TCF19: variants seen among roughly 807,000 people sequenced by gnomAD.
The protein encoded by TCF19 is transcription factor 19, also known as transcription factor SC1.
In TCF19, 9 loss-of-function variants were observed where a neutral mutation model predicts 18.3. That is an observed-to-expected ratio of 0.49 (90% CI 0.30 to 0.86). TCF19 has a LOEUF of 0.86. Ranked by LOEUF, TCF19 falls within the 40% of genes least tolerant of loss-of-function variation. The pLI is 0.07. For missense variants in TCF19, 376 were observed against 464.3 expected (o/e 0.81, Z 1.75); for synonymous variants, 176 against 185.3 (o/e 0.95, Z 0.41).
At position 31,162,410 on chromosome 6, in the gene TCF19, G is replaced by C; in HGVS notation, c.798-67G>C. On this transcript the variant is annotated intron_variant, in intron 3 of 3. Transcript: ENST00000376257. The surrounding 1 kb of genome is among the most constrained non-coding windows in gnomAD (Gnocchi z 4.5). ...GGCCTCACCCTATGACCAGCCATAG[G>C]GTGGCAAGGTCTAGGCCTTCTCCTA... The C allele has an allele frequency of 6.5e-7, 1 of 1,541,556 alleles. No homozygotes were observed. Among genetic ancestry groups the C allele is most frequent in the Non-Finnish European group, 8.7e-7 (1 of 1,144,624 alleles).
At position 31,161,988 on chromosome 6, in the gene TCF19, C is replaced by A; in HGVS notation, c.780C>A (p.Ala260=). Residue 260 remains alanine, a synonymous_variant, in exon 3 of 4, where the codon GCC becomes GCA. Transcript: ENST00000376257. ...EPRKKLRVDK[A]PLTPTGNRRG... ...GGAAGAAACTCCGTGTAGACAAAGC[C>A]CCACTGACTCCCACTGGGTAAGTGG... 6.2e-7 allele frequency: 1 copy of A among 1,607,876 alleles called. No individual in the cohort carries two copies. The highest frequency in any genetic ancestry group is 8.5e-7 in the Non-Finnish European group (1 of 1,176,966).
At chr6:31,160,067 A>G (rs1776661112) in intron 2 of TCF19, among the ~76,000 whole-genome samples, 1 of 152,140 alleles carries the variant, frequency 6.6e-6, no homozygotes, top group African/African-American at 2.4e-5. Flanking sequence ...GTTTTTAATA[A>G]TCTGGGCATG....
rs1776896392 is a variant in TCF19, at chr6:31,162,861, T to C, written c.*144T>C. The C allele has an allele frequency of 6.9e-7, 1 of 1,439,756 alleles. No individual in the cohort carries two copies. Among genetic ancestry groups the C allele is most frequent in the East Asian group, 2.5e-5 (1 of 40,028 alleles). 89.2% of individuals were successfully genotyped at this position (1,439,756 alleles called of 1,614,324 possible). On this transcript the variant is annotated 3_prime_UTR_variant, in exon 4 of 4. Coordinates refer to ENST00000376257, the MANE Select transcript of TCF19 (RefSeq NM_007109.3). The surrounding 1 kb of genome is among the most constrained non-coding windows in gnomAD (Gnocchi z 4.5). Reference sequence around the variant, plus strand: ...AGAAGGATGGATTGATGTGGACTCATTCAGGGCCTGGAGCAGACCCTGGTG... The same window carrying C: ...AGAAGGATGGATTGATGTGGACTCACTCAGGGCCTGGAGCAGACCCTGGTG...
Position 31,162,052 on chromosome 6 carries a change from G to A in TCF19, c.797+47G>A, listed in dbSNP as rs370686681. On this transcript the variant is annotated intron_variant, in intron 3 of 3. Transcript: ENST00000376257. This position sits in a 1 kb window ranked among gnomAD's most constrained non-coding sequence, Gnocchi z 4.5. ...CCCTCTCAGTGTTTTACTGCTTTTC[G>A]ATTCCTTGTATCCCTAGGCTGTGAG... 1.4e-4 allele frequency: 222 copies of A among 1,547,106 alleles called. 2 individuals carry two copies. The African/African-American group carries it at 2.6e-3, about 18-fold the overall frequency.
At position 31,162,863 on chromosome 6, in the gene TCF19, C is replaced by G. The variant is rs983862174; in HGVS notation, c.*146C>G. ...AAGGATGGATTGATGTGGACTCATT[C>G]AGGGCCTGGAGCAGACCCTGGTGGC... On this transcript the variant is annotated 3_prime_UTR_variant, in exon 4 of 4. Transcript: ENST00000376257. The surrounding 1 kb of genome is among the most constrained non-coding windows in gnomAD (Gnocchi z 4.5). 1 of 1,439,288 alleles carries G rather than the reference C, an allele frequency of 6.9e-7. No homozygotes were observed. The highest frequency in any genetic ancestry group is 2.8e-5 in the Admixed American group (1 of 36,192). The allele number at this position is 1,439,288 out of a possible 1,614,324, so 89.2% of individuals were successfully genotyped here.
In TCF19 at chr6:31,162,257, A is replaced by ACC. The variant is rs910863414; in HGVS notation, c.798-217_798-216dup. Among the ~76,000 whole-genome samples, 3 of 152,012 alleles carry ACC rather than the reference A, an allele frequency of 2.0e-5. No individual in the cohort carries two copies. The highest frequency in any genetic ancestry group is 7.3e-5 in the African/African-American group (3 of 41,358). ...TGCTTTTTACATTCATATGGCTTTA[A>ACC]CCCCATTCTTCTAGTGCCTAAGGAT... On this transcript the variant is annotated intron_variant, in intron 3 of 3. Coordinates refer to ENST00000376257, the MANE Select transcript of TCF19 (RefSeq NM_007109.3). The surrounding 1 kb of genome is among the most constrained non-coding windows in gnomAD (Gnocchi z 4.5).
At position 31,162,075 on chromosome 6, in the gene TCF19, G is replaced by A; in HGVS notation, c.797+70G>A. 11 of 1,490,742 alleles carry A rather than the reference G, an allele frequency of 7.4e-6. No individual in the cohort carries two copies. Among genetic ancestry groups the A allele is most frequent in the Non-Finnish European group, 9.0e-6 (10 of 1,113,498 alleles). 92.3% of individuals were successfully genotyped at this position (1,490,742 alleles called of 1,614,324 possible). On this transcript the variant is annotated intron_variant, in intron 3 of 3. Transcript: ENST00000376257. This position sits in a 1 kb window ranked among gnomAD's most constrained non-coding sequence, Gnocchi z 4.5. Reference sequence around the variant, plus strand: ...TCGATTCCTTGTATCCCTAGGCTGTGAGGAGGTCCCCCTGCCTGGGGGGAT... The same window carrying A: ...TCGATTCCTTGTATCCCTAGGCTGTAAGGAGGTCCCCCTGCCTGGGGGGAT...
Position 31,161,815 on chromosome 6 carries a change from C to A in TCF19, c.607C>A (p.Pro203Thr). 6.2e-7 allele frequency: 1 copy of A among 1,612,172 alleles called. No individual in the cohort carries two copies. Among genetic ancestry groups the A allele is most frequent in the South Asian group, 1.1e-5 (1 of 90,962 alleles). ...SPSWGGPKSL[P>T]VPAPPGEMGT... ...TAGTTGGGGTGGACCAAAGAGCCTG[C>A]CTGTTCCCGCCCCACCTGGGGAAAT... Residue 203 changes from proline (P) to threonine (T), a missense_variant, in exon 3 of 4, where the codon CCT (proline) becomes ACT (threonine). By Grantham distance (38) the Pro-to-Thr change is conservative. Transcript: ENST00000376257.
rs77870954 is a variant in TCF19, at chr6:31,162,515, C to G, written c.836C>G (p.Ala279Gly). 4 of 1,612,514 alleles carry G rather than the reference C, an allele frequency of 2.5e-6. No homozygotes were observed. Among genetic ancestry groups the G allele is most frequent in the South Asian group, 1.1e-5 (1 of 91,018 alleles). ...CGTCCTCGGAAGTACCCAGTGAGCG[C>G]TCCCATGGCTCCCCCTGCAGTTGGG... ...RGRPRKYPVS[A>G]PMAPPAVGGG... Residue 279 changes from alanine (A) to glycine (G), a missense_variant, in exon 4 of 4, where the codon GCT becomes GGT. Ala to Gly is a moderately conservative substitution (Grantham distance 60). Transcript: ENST00000376257. This position sits in a 1 kb window ranked among gnomAD's most constrained non-coding sequence, Gnocchi z 4.5.
intron 2 of TCF19, among the ~76,000 whole-genome samples, chr6:31,161,088 G>T: frequency 7.3e-6 from 1 of 137,760 alleles, no homozygotes; most frequent in Admixed American, 7.7e-5. Context: ...CCTGGGAGGC[G>T]GAGTGCAGTG....
In TCF19 at chr6:31,163,730, CAAAGCATCATTTCTATAGAA is replaced by C. The variant is rs1183356178; in HGVS notation, c.*1015_*1034del. 1 of 985,330 alleles carries C rather than the reference CAAAGCATCATTTCTATAGAA, an allele frequency of 1.0e-6. No individual in the cohort carries two copies. The highest frequency in any genetic ancestry group is 1.2e-6 in the Non-Finnish European group (1 of 829,964). 61.0% of individuals were successfully genotyped at this position (985,330 alleles called of 1,614,324 possible). On this transcript the variant is annotated 3_prime_UTR_variant, in exon 4 of 4. Coordinates refer to ENST00000376257, the MANE Select transcript of TCF19 (RefSeq NM_007109.3). Reference sequence around the variant, plus strand: ...GCCTTACACCAAGCCAAACTATTGTCAAAGCATCATTTCTATAGAAATAAAGCCTTATCTTGACCTGTTCT... The same window carrying C: ...GCCTTACACCAAGCCAAACTATTGTCATAAAGCCTTATCTTGACCTGTTCT...
chr6:31,161,826 C>T lies in TCF19; in HGVS notation c.618C>T (p.Ala206=). 6.2e-7 allele frequency: 1 copy of T among 1,612,834 alleles called. No homozygotes were observed. The highest frequency in any genetic ancestry group is 8.5e-7 in the Non-Finnish European group (1 of 1,179,880). The stretch of plus-strand genomic sequence containing the variant: ...GACCAAAGAGCCTGCCTGTTCCCGC[C>T]CCACCTGGGGAAATGGGGACCACGC... The part of the protein sequence containing the change: ...WGGPKSLPVP[A]PPGEMGTTPS... Residue 206 remains alanine, a synonymous_variant, in exon 3 of 4, where the codon GCC becomes GCT. Transcript: ENST00000376257.
At chr6:31,161,342 A>G in intron 2 of TCF19, 105 bp from the exon 3 acceptor site, 1 of 947,638 alleles carries the variant, frequency 1.1e-6, no homozygotes, top group Non-Finnish European at 1.5e-6. Context: ...GAATCTGACT[A>G]CAGTTTCATA....
In TCF19 at chr6:31,159,522, T is replaced by C; in HGVS notation, c.53T>C (p.Leu18Pro). 1 of 1,601,992 alleles carries C rather than the reference T, an allele frequency of 6.2e-7. No homozygotes were observed. Among genetic ancestry groups the C allele is most frequent in the Non-Finnish European group, 8.5e-7 (1 of 1,174,884 alleles). ...LRIGGGRGGD[L>P]YTFHPPAGAG... The stretch of plus-strand genomic sequence containing the variant: ...ATAGGGGGCGGCAGGGGCGGTGATC[T>C]CTACACCTTCCACCCCCCCGCCGGG... The change falls in exon 2 of 4, where the codon CTC becomes CCC. Residue 18 changes from leucine (L) to proline (P), a missense_variant. Transcript: ENST00000376257.
chr6:31,161,854 T>C lies in TCF19; in HGVS notation c.646T>C (p.Ser216Pro), dbSNP rs1776805011. The C allele has an allele frequency of 1.9e-6, 3 of 1,613,004 alleles. No homozygotes were observed. Among genetic ancestry groups the C allele is most frequent in the East Asian group, 4.5e-5 (2 of 44,872 alleles). ...ACCTGGGGAAATGGGGACCACGCCT[T>C]CTGCTCCACCACAACGCAATCGGAG... Reference protein sequence around the residue: ...APPGEMGTTPSAPPQRNRRKS... With the variant: ...APPGEMGTTPPAPPQRNRRKS... The change falls in exon 3 of 4, where the codon TCT becomes CCT. Residue 216 changes from serine (S) to proline (P), a missense_variant. Transcript: ENST00000376257.
rs1448562679 is a variant in TCF19 at position 31,159,447 on chromosome 6, G to A, written c.-23G>A. Reference sequence around the variant, plus strand: ...GAAATGGATGCCTGAAGTGGAAGAGGTGGTGCAGAGGGGGCACCGCCCATG... The same window carrying A: ...GAAATGGATGCCTGAAGTGGAAGAGATGGTGCAGAGGGGGCACCGCCCATG... On this transcript the variant is annotated 5_prime_UTR_variant, in exon 2 of 4. In the 5' UTR this introduces an upstream ATG that the reference lacks. Coordinates refer to ENST00000376257, the MANE Select transcript of TCF19 (RefSeq NM_007109.3). 6.5e-7 allele frequency: 1 copy of A among 1,529,070 alleles called. No homozygotes were observed. Among genetic ancestry groups the A allele is most frequent in the South Asian group, 1.2e-5 (1 of 82,892 alleles). 94.7% of individuals were successfully genotyped at this position (1,529,070 alleles called of 1,614,324 possible). A position where few individuals can be genotyped will look rare whatever the true frequency, so the allele number is the denominator to read the frequency against.
rs190578352 is a variant in TCF19 at position 31,162,323 on chromosome 6, C to A, written c.798-154C>A. Among the ~76,000 whole-genome samples the A allele has an allele frequency of 1.3e-5, 2 of 151,950 alleles. No homozygotes were observed. Among genetic ancestry groups the A allele is most frequent in the Admixed American group, 6.6e-5 (1 of 15,250 alleles). ...TCATACTAGAGGTTTTTAGGCCCAC[C>A]CTATGTGTTTTTAAGGACAGAGTCC... On this transcript the variant is annotated intron_variant, in intron 3 of 3. Coordinates refer to ENST00000376257, the MANE Select transcript of TCF19 (RefSeq NM_007109.3). This position sits in a 1 kb window ranked among gnomAD's most constrained non-coding sequence, Gnocchi z 4.5.
At position 31,162,407 on chromosome 6, in the gene TCF19, T is replaced by C; in HGVS notation, c.798-70T>C. The C allele has an allele frequency of 6.5e-7, 1 of 1,539,716 alleles. No individual in the cohort carries two copies. The highest frequency in any genetic ancestry group is 1.3e-5 in the South Asian group (1 of 78,692). ...TGTGGCCTCACCCTATGACCAGCCA[T>C]AGGGTGGCAAGGTCTAGGCCTTCTC... On this transcript the variant is annotated intron_variant, in intron 3 of 3. Coordinates refer to ENST00000376257, the MANE Select transcript of TCF19 (RefSeq NM_007109.3). The surrounding 1 kb of genome is among the most constrained non-coding windows in gnomAD (Gnocchi z 4.5).
rs1209332313 is a variant in TCF19, at chr6:31,161,939, C to T, written c.731C>T (p.Pro244Leu). 8 of 1,612,782 alleles carry T rather than the reference C, an allele frequency of 5.0e-6. No individual in the cohort carries two copies. The highest frequency in any genetic ancestry group is 4.5e-5 in the East Asian group (2 of 44,888). The change falls in exon 3 of 4, where the codon CCG becomes CTG. Residue 244 changes from proline to leucine, a missense_variant. Coordinates refer to ENST00000376257, the MANE Select transcript of TCF19 (RefSeq NM_007109.3). ...LDDESEPPEN[P>L]PPVLMEPRKK... ...GATGAGAGTGAGCCTCCTGAGAACC[C>T]GCCACCGGTCCTTATGGAGCCCAGG...
Sources: allele counts gnomAD v4.1 joint callset (sites outside exome capture counted in the v4.1 genomes callset), GRCh38; gene constraint gnomAD v4.1.1; non-coding constraint Gnocchi (gnomAD v3.1); transcripts MANE v1.5; gene names NCBI Gene and HGNC (gene_info 2026-07-23, HGNC 2026-07-21).